Variants in TNFAIP8 observed in about 807,000 individuals in gnomAD.
TNFAIP8 encodes the protein tumor necrosis factor alpha-induced protein 8.
Under a neutral mutation model 13.3 loss-of-function variants are expected in TNFAIP8, and 7 were observed. The observed-to-expected ratio is 0.52, with a 90% CI of 0.30 to 0.99. The LOEUF (loss-of-function observed/expected upper bound fraction) is 0.99, where lower values mean the gene tolerates loss of function less well. Ranked by LOEUF, TNFAIP8 falls within the 50% of genes least tolerant of loss-of-function variation. The probability of loss-of-function intolerance (pLI) is 0.07; values close to 1 mark genes in which losing one functional copy is unlikely to be tolerated. For synonymous variants in TNFAIP8, 94 were observed against 87.6 expected (o/e 1.07, Z -0.41); for missense variants, 258 against 236.9 (o/e 1.09, Z -0.58).
At chr5:119,308,631 G>A (rs551552851) in intron 1 of TNFAIP8, among the ~76,000 whole-genome samples, 1 of 151,942 alleles carries the variant, frequency 6.6e-6, no homozygotes, top group Non-Finnish European at 1.5e-5. Flanking sequence ...TTGGGAGGCC[G>A]AGGCGGGTAG....
intron 1 of TNFAIP8, among the ~76,000 whole-genome samples, chr5:119,337,711 A>G (rs1750600699): frequency 6.6e-6 from 1 of 152,226 alleles, no homozygotes; most frequent in African/African-American, 2.4e-5. Context: ...GACAAGAAGC[A>G]TTTCTCCAGT....
At chr5:119,308,289 C>T (rs1749626386) in intron 1 of TNFAIP8, among the ~76,000 whole-genome samples, 2 of 152,120 alleles carry the variant, frequency 1.3e-5, no homozygotes, top group South Asian at 4.1e-4. Flanking sequence ...TGTATCATTT[C>T]CCAAGGGCTT....
intron 1 of TNFAIP8, among the ~76,000 whole-genome samples, chr5:119,361,416 T>C (rs967467919): frequency 6.6e-6 from 1 of 152,148 alleles, no homozygotes; most frequent in Non-Finnish European, 1.5e-5. Context: ...GTAAAGCCTG[T>C]TAGTTAAGCT....
At chr5:119,370,801 G>A (rs769359953) in intron 1 of TNFAIP8, among the ~76,000 whole-genome samples, 27 of 152,292 alleles carry the variant, frequency 1.8e-4, no homozygotes, top group Middle Eastern at 6.8e-3. Flanking sequence ...AAGAAAATAT[G>A]ACCCAGTGCC....
chr5:119,349,815 A>T (rs1751050766), intron 1 of TNFAIP8, among the ~76,000 whole-genome samples: 1 of 152,268 alleles, frequency 6.6e-6, no homozygotes, highest in South Asian at 2.1e-4. Context: ...TCAATGCTAG[A>T]ACCATGGCCA....
intron 1 of TNFAIP8, among the ~76,000 whole-genome samples, chr5:119,339,597 C>T (rs1204371653): frequency 1.3e-5 from 2 of 151,408 alleles, no homozygotes; most frequent in Admixed American, 1.3e-4. Flanking sequence ...AGCAAGAACA[C>T]AGATTTTGTG....
At chr5:119,353,447 G>A (rs1581634260), upstream of TNFAIP8, among the ~76,000 whole-genome samples, 1 of 152,194 alleles carries the variant, frequency 6.6e-6, no homozygotes, top group South Asian at 2.1e-4. Context: ...GAGGTTATAC[G>A]GGAGACTGAG....
At chr5:119,359,357 C>A (rs1176785119) in intron 1 of TNFAIP8, among the ~76,000 whole-genome samples, 2 of 152,148 alleles carry the variant, frequency 1.3e-5, no homozygotes, top group African/African-American at 4.8e-5. Flanking sequence ...TCCCCTGTCG[C>A]CCTCTCTCAG....
intron 1 of TNFAIP8, among the ~76,000 whole-genome samples, chr5:119,276,859 G>T (rs926196262): frequency 6.6e-6 from 1 of 152,112 alleles, no homozygotes; most frequent in Non-Finnish European, 1.5e-5. Context: ...CTTTATAAAG[G>T]ATATTAGTTG....
At chr5:119,335,179 C>T (rs1750513351) in intron 1 of TNFAIP8, among the ~76,000 whole-genome samples, 1 of 152,108 alleles carries the variant, frequency 6.6e-6, no homozygotes, top group South Asian at 2.1e-4. Context: ...GTGGAACTGG[C>T]TGAATTGCCT....
At chr5:119,364,841 GTTTTTTTTT>G (rs10714712) in intron 1 of TNFAIP8, among the ~76,000 whole-genome samples, 6 of 88,710 alleles carry the variant, frequency 6.8e-5, no homozygotes, top group South Asian at 3.4e-4. Flanking sequence ...TTTCTTTTCA[GTTTTTTTTT>G]TTTTTTTTTT....
At chr5:119,276,309 G>C (rs956553320) in intron 1 of TNFAIP8, among the ~76,000 whole-genome samples, 3 of 151,908 alleles carry the variant, frequency 2.0e-5, no homozygotes, top group Admixed American at 1.3e-4. Context: ...GTAGAGACAG[G>C]GTTTCACCAT....
At chr5:119,318,812 T>C (rs1300983890) in intron 1 of TNFAIP8, among the ~76,000 whole-genome samples, 1 of 152,122 alleles carries the variant, frequency 6.6e-6, no homozygotes, top group Non-Finnish European at 1.5e-5. Context: ...ATGTGCATTT[T>C]GCATTAATTA....
intron 1 of TNFAIP8, among the ~76,000 whole-genome samples, chr5:119,347,692 TACCTGCAAAAATA>T (rs1461511251): frequency 6.6e-6 from 1 of 152,208 alleles, no homozygotes. Context: ...CTTTCACTGC[TACCTGCAAAAATA>T]ACCTCCCATT....
At position 119,398,964 on chromosome 5, in the gene TNFAIP8, A is replaced by AAT. The variant is rs1455615265; in HGVS notation, c.*5585_*5586dup. The AAT allele has an allele frequency of 2.0e-5, 3 of 152,212 alleles. No individual in the cohort carries two copies. Among genetic ancestry groups the AAT allele is most frequent in the Admixed American group, 6.5e-5 (1 of 15,280 alleles). 9.4% of individuals were successfully genotyped at this position (152,212 alleles called of 1,614,324 possible). ...GACCATTGGTTTTCACTAAAGGATA[A>AAT]ATACCTGCTAAGCAAATTATAAAAT... is the stretch of plus-strand genomic sequence containing the variant. On this transcript the variant is annotated 3_prime_UTR_variant, in exon 2 of 2. Transcript: ENST00000504771.
At chr5:119,392,128 A>C (rs1418002626) in intron 1 of TNFAIP8, among the ~76,000 whole-genome samples, 4 of 152,232 alleles carry the variant, frequency 2.6e-5, no homozygotes, top group Admixed American at 1.3e-4. Flanking sequence ...CTCTCCAAGG[A>C]GCACTTCTTT....
intron 1 of TNFAIP8, among the ~76,000 whole-genome samples, chr5:119,324,146 G>A (rs1029651148): frequency 6.6e-6 from 1 of 151,658 alleles, no homozygotes; most frequent in East Asian, 1.9e-4. Context: ...GTGTTGGCCA[G>A]TGTCTATAAT....
intron 1 of TNFAIP8, among the ~76,000 whole-genome samples, chr5:119,310,159 C>G (rs1003282449): frequency 6.6e-6 from 1 of 152,124 alleles, no homozygotes; most frequent in Admixed American, 6.5e-5. Flanking sequence ...CTAATTGTAT[C>G]TGTCAGAACT....
rs185456806 is a variant in TNFAIP8 at position 119,291,520 on chromosome 5, C to T, written c.1+22613C>T. Among the ~76,000 whole-genome samples, 67 of 152,348 alleles carry T rather than the reference C, an allele frequency of 4.4e-4. No homozygotes were observed. In the East Asian group the frequency reaches 7.9e-3, roughly 18 times the overall value. ...AATAATAATTTTATTTTTAAAAACT[C>T]ATGGATTATTTTTAGCTTCAAAGAG... On this transcript the variant is annotated intron_variant, in intron 1 of 1. Coordinates refer to the TNFAIP8 transcript ENST00000274456.
Sources: allele counts gnomAD v4.1 joint callset (sites outside exome capture counted in the v4.1 genomes callset), GRCh38; gene constraint gnomAD v4.1.1; transcripts MANE v1.5; gene names NCBI Gene and HGNC (gene_info 2026-07-23, HGNC 2026-07-21).